The following FBXO44 variants were observed in gnomAD, a reference collection of about 807,000 sequenced individuals.
FBXO44 encodes F-box protein 44.
FBXO44 carries 25 observed loss-of-function variants against 33.5 expected under a neutral mutation model. The ratio of observed to expected loss-of-function variants is 0.75; its 90% confidence interval spans 0.54 to 1.04. The LOEUF (loss-of-function observed/expected upper bound fraction) is 1.04. Among genes scored for constraint, FBXO44 ranks in the 50% least tolerant of loss-of-function variants. The pLI is 0.00. For missense variants in FBXO44, 311 were observed against 344.0 expected (o/e 0.90, Z 0.76); for synonymous variants, 147 against 152.8 (o/e 0.96, Z 0.28).
chr1:11,660,319 G>C (rs1464363234), intron 5 of FBXO44, among the ~76,000 whole-genome samples: 2 of 152,116 alleles, frequency 1.3e-5, no homozygotes, highest in East Asian at 3.9e-4. Context: ...GCGCCACCAC[G>C]CCAGCTAATT....
At chr1:11,655,138 A>G (rs1639688010) in intron 1 of FBXO44, among the ~76,000 whole-genome samples, 186 bp downstream of exon 1, 1 of 151,708 alleles carries the variant, frequency 6.6e-6, no homozygotes. Context: ...TGGGGTCGCC[A>G]TCGATGTACA....
rs549964681 is a variant in FBXO44 at position 11,658,444 on chromosome 1, G to A, written c.392+51G>A. 3 of 1,612,526 alleles carry A rather than the reference G, an allele frequency of 1.9e-6. No homozygotes were observed. The South Asian group carries it at 3.3e-5, about 18-fold the overall frequency. On this transcript the variant is annotated intron_variant, in intron 3 of 5. Transcript: ENST00000251547. ...GGAAAGCCCAAATCAATTTACCCTG[G>A]GGTCTCTCCCACCCTGGAAGGGGCA...
At chr1:11,656,358 C>T (rs1639801906) in intron 2 of FBXO44, among the ~76,000 whole-genome samples, 1 of 144,494 alleles carries the variant, frequency 6.9e-6, no homozygotes, top group African/African-American at 2.6e-5. Context: ...CTCTGTCACC[C>T]AGGCTGGAGT....
In FBXO44 at chr1:11,658,299, G is replaced by A. The variant is rs1265406872; in HGVS notation, c.298G>A (p.Gly100Arg). Residue 100 changes from glycine to arginine, a missense_variant, in exon 3 of 6, where the codon GGA (glycine) becomes AGA (arginine). Coordinates refer to ENST00000251547, the MANE Select transcript of FBXO44 (RefSeq NM_033182.7). ...GFEFWSLDVN[G>R]GDEWKVEDLS... ...CGAGTTCTGGAGCCTGGATGTGAAT[G>A]GAGGCGATGAGTGGAAGGTGGAGGA... 6.2e-7 allele frequency: 1 copy of A among 1,613,830 alleles called. No homozygotes were observed. Among genetic ancestry groups the A allele is most frequent in the South Asian group, 1.1e-5 (1 of 91,046 alleles).
intron 5 of FBXO44, among the ~76,000 whole-genome samples, chr1:11,659,667 A>T (rs12140970): frequency 0.17 from 25,666 of 151,158 alleles, 2,674 homozygotes; most frequent in Admixed American, 0.26. Context: ...TAAAAAAAAA[A>T]TTTTTTTTTG....
rs1640193387 is a variant in FBXO44 at position 11,661,570 on chromosome 1, A to G, written c.*297A>G. 4.8e-6 allele frequency: 2 copies of G among 413,534 alleles called. No homozygotes were observed. The highest frequency in any genetic ancestry group is 4.3e-6 in the Non-Finnish European group (1 of 231,134). The allele number at this position is 413,534 out of a possible 1,614,324, so 25.6% of individuals were successfully genotyped here. A position where few individuals can be genotyped will look rare whatever the true frequency, so the allele number is the denominator to read the frequency against. On this transcript the variant is annotated 3_prime_UTR_variant, in exon 6 of 6. Coordinates refer to ENST00000251547, the MANE Select transcript of FBXO44 (RefSeq NM_033182.7). The surrounding 1 kb of genome is among the most constrained non-coding windows in gnomAD (Gnocchi z 4.4). ...CAGCATGTTCCCCTGGGCCCCTCAG[A>G]AAGTCGAGCTTGGAGGCCAGCCTGG... is the stretch of plus-strand genomic sequence containing the variant.
intron 5 of FBXO44, among the ~76,000 whole-genome samples, chr1:11,660,766 T>TTTTG (rs1640127509): frequency 6.6e-6 from 1 of 151,984 alleles, no homozygotes; most frequent in African/African-American, 2.4e-5. Context: ...CTCCCACCCT[T>TTTTG]TTTGTTAAGG....
chr1:11,661,249 C>T lies in FBXO44; in HGVS notation c.744C>T (p.Ile248=). The change falls in exon 6 of 6, where the codon ATC becomes ATT. Residue 248 remains isoleucine, a synonymous_variant. Transcript: ENST00000251547. This position sits in a 1 kb window ranked among gnomAD's most constrained non-coding sequence, Gnocchi z 4.4. ...WYGPRVTNSS[I]TIGPPLP The stretch of plus-strand genomic sequence containing the variant: ...GCCCGAGGGTCACCAACAGCAGCAT[C>T]ACCATCGGGCCCCCGCTGCCCTGAC... 1 of 1,614,188 alleles carries T rather than the reference C, an allele frequency of 6.2e-7. No individual in the cohort carries two copies. The highest frequency in any genetic ancestry group is 8.5e-7 in the Non-Finnish European group (1 of 1,180,028).
rs1016402579 is a variant in FBXO44 at position 11,663,087 on chromosome 1, G to C, written c.*1814G>C. 1 of 151,508 alleles carries C rather than the reference G, an allele frequency of 6.6e-6. No homozygotes were observed. Among genetic ancestry groups the C allele is most frequent in the Non-Finnish European group, 1.5e-5 (1 of 67,958 alleles). The allele number at this position is 151,508 out of a possible 1,614,324, so 9.4% of individuals were successfully genotyped here. ...TTCACCTGCCTCAGCCTCTGGAGTA[G>C]CTGAGACTACAGGCGCCCACCACCA... On this transcript the variant is annotated 3_prime_UTR_variant, in exon 6 of 6. Coordinates refer to ENST00000251547, the MANE Select transcript of FBXO44 (RefSeq NM_033182.7).
intron 2 of FBXO44, among the ~76,000 whole-genome samples, 190 bp downstream of exon 2, chr1:11,656,290 G>A (rs1390153649): frequency 7.1e-6 from 1 of 141,730 alleles, no homozygotes; most frequent in Non-Finnish European, 1.6e-5. Context: ...CAAGAGTGGT[G>A]TTTCTTATTC....
chr1:11,659,737 C>T (rs1180525561), intron 5 of FBXO44, among the ~76,000 whole-genome samples: 1 of 152,174 alleles, frequency 6.6e-6, no homozygotes, highest in African/African-American at 2.4e-5. Flanking sequence ...CTCAAGTCAT[C>T]CTTCTGCCTC....
Position 11,661,688 on chromosome 1 carries a change from T to C in FBXO44, c.*415T>C. On this transcript the variant is annotated 3_prime_UTR_variant, in exon 6 of 6. Transcript: ENST00000251547. The surrounding 1 kb of genome is among the most constrained non-coding windows in gnomAD (Gnocchi z 4.4). ...GCAAGACAACTGGCAAGCTTGCAGCTGCCCTGATGGTGCAGGTGCAGGGAG... is the reference window on the plus strand; with the variant it reads ...GCAAGACAACTGGCAAGCTTGCAGCCGCCCTGATGGTGCAGGTGCAGGGAG... 5.2e-6 allele frequency: 1 copy of C among 193,296 alleles called. No individual in the cohort carries two copies. Among genetic ancestry groups the C allele is most frequent in the Non-Finnish European group, 1.1e-5 (1 of 94,102 alleles). 12.0% of individuals were successfully genotyped at this position (193,296 alleles called of 1,614,324 possible).
chr1:11,661,366 G>A lies in FBXO44; in HGVS notation c.*93G>A, dbSNP rs1220817086. 104 of 1,569,248 alleles carry A rather than the reference G, an allele frequency of 6.6e-5. 1 individual carries two copies. Among genetic ancestry groups the A allele is most frequent in the Non-Finnish European group, 8.8e-5 (101 of 1,149,380 alleles). On this transcript the variant is annotated 3_prime_UTR_variant, in exon 6 of 6. Coordinates refer to ENST00000251547, the MANE Select transcript of FBXO44 (RefSeq NM_033182.7). The surrounding 1 kb of genome is among the most constrained non-coding windows in gnomAD (Gnocchi z 4.4). The stretch of plus-strand genomic sequence containing the variant: ...TGGGAAGGGGAGGTGGAGGCCAGGT[G>A]TCCCCAGACCTCTAACCCTTGCCCC...
intron 2 of FBXO44, among the ~76,000 whole-genome samples, chr1:11,656,534 T>C (rs1639818908): frequency 6.6e-6 from 1 of 151,516 alleles, no homozygotes; most frequent in African/African-American, 2.4e-5. Flanking sequence ...CGATCTCGGC[T>C]CACTGCAACC....
Position 11,661,507 on chromosome 1 carries a change from C to G in FBXO44, c.*234C>G. 1 of 547,116 alleles carries G rather than the reference C, an allele frequency of 1.8e-6. No homozygotes were observed. The highest frequency in any genetic ancestry group is 3.1e-6 in the Non-Finnish European group (1 of 317,852). The allele number at this position is 547,116 out of a possible 1,614,324, so 33.9% of individuals were successfully genotyped here. ...TGATGGCCGGGGAAGCCTGCGTGTGCCCCTTTCAGAGACGGAGCACCTGAG... is the reference window on the plus strand; with the variant it reads ...TGATGGCCGGGGAAGCCTGCGTGTGGCCCTTTCAGAGACGGAGCACCTGAG... On this transcript the variant is annotated 3_prime_UTR_variant, in exon 6 of 6. Transcript: ENST00000251547. This position sits in a 1 kb window ranked among gnomAD's most constrained non-coding sequence, Gnocchi z 4.4.
chr1:11,661,635 T>C lies in FBXO44; in HGVS notation c.*362T>C. On this transcript the variant is annotated 3_prime_UTR_variant, in exon 6 of 6. Coordinates refer to ENST00000251547, the MANE Select transcript of FBXO44 (RefSeq NM_033182.7). This position sits in a 1 kb window ranked among gnomAD's most constrained non-coding sequence, Gnocchi z 4.4. ...TCCCCTCCTGGGACCATTCTACCTG[T>C]GTTCTTTGACCCTCGGAGCAGGGAC... 1 of 287,394 alleles carries C rather than the reference T, an allele frequency of 3.5e-6. No individual in the cohort carries two copies. Among genetic ancestry groups the C allele is most frequent in the South Asian group, 1.0e-4 (1 of 9,790 alleles). 17.8% of individuals were successfully genotyped at this position (287,394 alleles called of 1,614,324 possible). A position where few individuals can be genotyped will look rare whatever the true frequency, so the allele number is the denominator to read the frequency against.
At chr1:11,659,793 G>T (rs1035765131) in intron 5 of FBXO44, among the ~76,000 whole-genome samples, 1 of 152,194 alleles carries the variant, frequency 6.6e-6, no homozygotes, top group Non-Finnish European at 1.5e-5. Context: ...ACTGTGCCCA[G>T]CCCTAGCAAA....
chr1:11,655,482 C>T (rs1639714555), intron 1 of FBXO44: 2 of 289,650 alleles, frequency 6.9e-6, no homozygotes, highest in Admixed American at 9.3e-5. Flanking sequence ...CTCTGCCCGG[C>T]TGCGCATTAT....
At chr1:11,657,810 C>A (rs1306556043) in intron 2 of FBXO44, among the ~76,000 whole-genome samples, 1 of 152,120 alleles carries the variant, frequency 6.6e-6, no homozygotes, top group Non-Finnish European at 1.5e-5. Context: ...AACAAAAAAA[C>A]TATACAATAG....
Sources: gnomAD v4.1 joint callset for allele counts (sites outside exome capture counted in the v4.1 genomes callset) on GRCh38, gnomAD v4.1.1 for gene constraint, Gnocchi (gnomAD v3.1) non-coding constraint, MANE v1.5 for transcripts, NCBI Gene and HGNC (gene_info 2026-07-23, HGNC 2026-07-21) for gene names.